Variants in AHNAK observed in about 807,000 individuals in gnomAD.
AHNAK encodes AHNAK nucleoprotein.
Under a neutral mutation model 37.8 loss-of-function variants are expected in AHNAK, and 23 were observed. That is an observed-to-expected ratio of 0.61 (90% CI 0.44 to 0.86). The LOEUF (loss-of-function observed/expected upper bound fraction) is 0.86, where lower values mean the gene tolerates loss of function less well. Ranked by LOEUF, AHNAK falls within the 40% of genes least tolerant of loss-of-function variation. AHNAK has a pLI of 0.00. For synonymous variants in AHNAK, 2,481 were observed against 2,636.3 expected (o/e 0.94, Z 1.80); for missense variants, 7,411 against 7,319.4 (o/e 1.01, Z -0.46).
At position 62,528,122 on chromosome 11, in the gene AHNAK, T is replaced by C. The variant is rs1041193741; in HGVS notation, c.6295A>G (p.Lys2099Glu). ...PDVSLEGPEG[K>E]LKGPKLKMPE... ...ATCTTAAGCTTGGGGCCCTTCAGCTTCCCTTCTGGACCTTCAAGGCTCACA... is the reference window on the plus strand; with the variant it reads ...ATCTTAAGCTTGGGGCCCTTCAGCTCCCCTTCTGGACCTTCAAGGCTCACA... The change falls in exon 5 of 5, where the codon AAG (lysine) becomes GAG (glutamate). Residue 2099 changes from lysine to glutamate, a missense_variant. Transcript: ENST00000378024. 3 of 1,612,268 alleles carry C rather than the reference T, an allele frequency of 1.9e-6. No individual in the cohort carries two copies. The highest frequency in any genetic ancestry group is 2.5e-6 in the Non-Finnish European group (3 of 1,179,560).
downstream of AHNAK, among the ~76,000 whole-genome samples, chr11:62,513,719 C>T (rs563059851): frequency 3.4e-4 from 51 of 152,238 alleles, no homozygotes; most frequent in African/African-American, 1.2e-3. Context: ...CGGGAAGCAG[C>T]GTTCATGTTC....
chr11:62,476,392 C>CA (rs1000213539), intron 5 of AHNAK, among the ~76,000 whole-genome samples: 10 of 151,804 alleles, frequency 6.6e-5, no homozygotes, highest in African/African-American at 9.7e-5. Flanking sequence ...GACTCCGTCT[C>CA]AAAAAAAAGT....
At position 62,521,251 on chromosome 11, in the gene AHNAK, T is replaced by C. The variant is rs1234814083; in HGVS notation, c.13166A>G (p.Asp4389Gly). Residue 4389 changes from aspartate to glycine, a missense_variant, in exon 5 of 5, where the codon GAC (aspartate) becomes GGC (glycine). By Grantham distance (94) the Asp-to-Gly change is moderately conservative. Coordinates refer to ENST00000378024, the MANE Select transcript of AHNAK (RefSeq NM_001620.3). ...NIKAPKISMP[D>G]IDFNLKGPKV... ...GGGACCCTTCAAGTTAAAGTCAATG[T>C]CAGGCATGGAGATTTTGGGGGCCTT... The C allele has an allele frequency of 1.2e-6, 2 of 1,614,006 alleles. No individual in the cohort carries two copies. Among genetic ancestry groups the C allele is most frequent in the African/African-American group, 2.7e-5 (2 of 74,956 alleles).
chr11:62,519,725 T>C lies in AHNAK; in HGVS notation c.14692A>G (p.Lys4898Glu), dbSNP rs1940160494. 2 of 1,613,862 alleles carry C rather than the reference T, an allele frequency of 1.2e-6. No homozygotes were observed. Among genetic ancestry groups the C allele is most frequent in the Non-Finnish European group, 1.7e-6 (2 of 1,179,956 alleles). Residue 4898 changes from lysine to glutamate, a missense_variant, in exon 5 of 5, where the codon AAA becomes GAA. By Grantham distance (56) the Lys-to-Glu change is moderately conservative. Transcript: ENST00000378024. Reference protein sequence around the residue: ...PRLDFEGPDAKLSGPSLKMPS... With the variant: ...PRLDFEGPDAELSGPSLKMPS... Reference sequence around the variant, plus strand: ...ATCTTCAAAGATGGGCCACTGAGTTTGGCATCAGGGCCTTCGAAATCCAGA... The same window carrying C: ...ATCTTCAAAGATGGGCCACTGAGTTCGGCATCAGGGCCTTCGAAATCCAGA...
chr11:62,497,246 C>T (rs1939627392), intron 4 of AHNAK, among the ~76,000 whole-genome samples: 1 of 152,196 alleles, frequency 6.6e-6, no homozygotes, highest in African/African-American at 2.4e-5. Flanking sequence ...ACCATGCAGC[C>T]TGGGACTGAA....
intron 4 of AHNAK, among the ~76,000 whole-genome samples, chr11:62,493,702 C>T (rs981224058): frequency 1.4e-4 from 21 of 152,002 alleles, no homozygotes; most frequent in Non-Finnish European, 2.2e-4. Flanking sequence ...AACTCCTGGG[C>T]TCAAGTGATC....
chr11:62,529,060 A>G lies in AHNAK; in HGVS notation c.5357T>C (p.Val1786Ala). The G allele has an allele frequency of 6.2e-7, 1 of 1,614,210 alleles. No homozygotes were observed. Among genetic ancestry groups the G allele is most frequent in the African/African-American group, 1.3e-5 (1 of 75,060 alleles). ...TTTGGGTCCCTTCAAATTCAAGTCC[A>G]CATCTGGCATGGAGACCTTGGGAGC... ...IKAPKVSMPD[V>A]DLNLKGPKLK... Residue 1786 changes from valine to alanine, a missense_variant, in exon 5 of 5, where the codon GTG (valine) becomes GCG (alanine). Transcript: ENST00000378024.
chr11:62,439,622 G>A (rs1347266490), intron 5 of AHNAK, among the ~76,000 whole-genome samples: 1 of 148,582 alleles, frequency 6.7e-6, no homozygotes, highest in Admixed American at 6.7e-5. Flanking sequence ...TAGTGCATGT[G>A]TGCATCTGTC....
chr11:62,527,317 C>T lies in AHNAK; in HGVS notation c.7100G>A (p.Gly2367Asp). The change falls in exon 5 of 5, where the codon GGC (glycine) becomes GAC (aspartate). Residue 2367 changes from glycine (G) to aspartate (D), a missense_variant. Transcript: ENST00000378024. Reference sequence around the variant, plus strand: ...CTTGAACTTAGGAGTTTTCCACTTGCCATTTGGGCCTTCCACAGCTACTTC... The same window carrying T: ...CTTGAACTTAGGAGTTTTCCACTTGTCATTTGGGCCTTCCACAGCTACTTC... ...MPEVAVEGPN[G>D]KWKTPKFKMP... The T allele has an allele frequency of 6.2e-7, 1 of 1,613,660 alleles. No individual in the cohort carries two copies. The highest frequency in any genetic ancestry group is 1.1e-5 in the South Asian group (1 of 91,018).
Position 62,516,614 on chromosome 11 carries a change from G to C in AHNAK, c.*130C>G. Reference sequence around the variant, plus strand: ...GTCGGTTTTTCAGCGCTTGCCACCGGGCCAGGCAAGGTCTTTGCATGATTG... The same window carrying C: ...GTCGGTTTTTCAGCGCTTGCCACCGCGCCAGGCAAGGTCTTTGCATGATTG... On this transcript the variant is annotated 3_prime_UTR_variant, in exon 5 of 5. Coordinates refer to ENST00000378024, the MANE Select transcript of AHNAK (RefSeq NM_001620.3). 6.7e-7 allele frequency: 1 copy of C among 1,486,712 alleles called. No homozygotes were observed. Among genetic ancestry groups the C allele is most frequent in the Non-Finnish European group, 8.9e-7 (1 of 1,129,010 alleles). The allele number at this position is 1,486,712 out of a possible 1,614,324, so 92.1% of individuals were successfully genotyped here.
In AHNAK at chr11:62,530,143, A is replaced by T; in HGVS notation, c.4274T>A (p.Val1425Glu). Residue 1425 changes from valine (V) to glutamate (E), a missense_variant, in exon 5 of 5, where the codon GTG becomes GAG. Coordinates refer to ENST00000378024, the MANE Select transcript of AHNAK (RefSeq NM_001620.3). ...GPKMDAEVPD[V>E]NIEGPDAKLK... is the part of the protein sequence containing the mutation. ...TTTTGCGTCTGGACCTTCAATATTC[A>T]CATCTGGAACTTCAGCATCCATTTT... is the stretch of plus-strand genomic sequence containing the variant. 1 of 1,613,994 alleles carries T rather than the reference A, an allele frequency of 6.2e-7. No individual in the cohort carries two copies. Among genetic ancestry groups the T allele is most frequent in the South Asian group, 1.1e-5 (1 of 91,072 alleles).
intron 4 of AHNAK, among the ~76,000 whole-genome samples, chr11:62,507,940 G>A (rs941950097): frequency 2.8e-4 from 43 of 152,104 alleles, no homozygotes; most frequent in African/African-American, 9.9e-4. Context: ...CATAATAATG[G>A]GGGTTTTTTA....
chr11:62,525,787 T>C lies in AHNAK; in HGVS notation c.8630A>G (p.Asp2877Gly). The part of the protein sequence containing the change: ...PEVDLKGPKV[D>G]IDVPDVNVQG... ...AACATTAACATCTGGGACATCAATG[T>C]CCACTTTGGGGCCTTTGAGGTCAAC... is the stretch of plus-strand genomic sequence containing the variant. Residue 2877 changes from aspartate to glycine, a missense_variant, in exon 5 of 5, where the codon GAC becomes GGC. Physicochemically the swap from Asp to Gly is moderately conservative, Grantham distance 94 (BLOSUM62 -1). Coordinates refer to ENST00000378024, the MANE Select transcript of AHNAK (RefSeq NM_001620.3). 1 of 1,613,732 alleles carries C rather than the reference T, an allele frequency of 6.2e-7. No homozygotes were observed. Among genetic ancestry groups the C allele is most frequent in the East Asian group, 2.2e-5 (1 of 44,834 alleles).
rs780207477 is a variant in AHNAK, at chr11:62,522,124, A to G, written c.12293T>C (p.Ile4098Thr). 3.7e-6 allele frequency: 6 copies of G among 1,613,680 alleles called. No individual in the cohort carries two copies. Among genetic ancestry groups the G allele is most frequent in the Non-Finnish European group, 4.2e-6 (5 of 1,179,924 alleles). Residue 4098 changes from isoleucine (I) to threonine (T), a missense_variant, in exon 5 of 5, where the codon ATT (isoleucine) becomes ACT (threonine). Transcript: ENST00000378024. ...DIDVSGPKVD[I>T]DTPDIDIHGP... Reference sequence around the variant, plus strand: ...ATGAATATCAATATCAGGAGTGTCAATGTCCACTTTGGGTCCTGAGACATC... The same window carrying G: ...ATGAATATCAATATCAGGAGTGTCAGTGTCCACTTTGGGTCCTGAGACATC...
rs138755920 is a variant in AHNAK at position 62,525,488 on chromosome 11, C to T, written c.8929G>A (p.Val2977Met). 50 of 1,613,484 alleles carry T rather than the reference C, an allele frequency of 3.1e-5. No individual in the cohort carries two copies. In the African/African-American group the frequency reaches 5.1e-4, roughly 16 times the overall value. Residue 2977 changes from valine (V) to methionine (M), a missense_variant, in exon 5 of 5, where the codon GTG (valine) becomes ATG (methionine). Val to Met is a conservative substitution (Grantham distance 21). Coordinates refer to ENST00000378024, the MANE Select transcript of AHNAK (RefSeq NM_001620.3). ...DFDLHLKGPK[V>M]KGDVDISLPK... ...AGAGAAATATCCACATCGCCCTTCACCTTGGGACCTTTCAGATGCAAATCA... is the reference window on the plus strand; with the variant it reads ...AGAGAAATATCCACATCGCCCTTCATCTTGGGACCTTTCAGATGCAAATCA...
chr11:62,437,763 C>A (rs1429643391), intron 5 of AHNAK, among the ~76,000 whole-genome samples: 4 of 152,180 alleles, frequency 2.6e-5, no homozygotes, highest in African/African-American at 9.7e-5. Flanking sequence ...GTGGCTGTAC[C>A]TCTTCCACAC....
In AHNAK at chr11:62,496,040, T is replaced by A. The variant is rs1939602892; in HGVS notation, c.343-4209A>T. ...CTCCAGCATGGGTGACAGAGCCAGATCCTGTCTCAAAAAAAAAAAAAGAAG... is the reference window on the plus strand; with the variant it reads ...CTCCAGCATGGGTGACAGAGCCAGAACCTGTCTCAAAAAAAAAAAAAGAAG... On this transcript the variant is annotated intron_variant, in intron 4 of 5. Transcript: ENST00000257247. Among the ~76,000 whole-genome samples, 6 of 147,520 alleles carry A rather than the reference T, an allele frequency of 4.1e-5. 1 individual carries two copies. Among genetic ancestry groups the A allele is most frequent in the African/African-American group, 1.5e-4 (6 of 39,522 alleles).
Position 62,531,382 on chromosome 11 carries a change from T to C in AHNAK, c.3035A>G (p.Lys1012Arg). ...CACATCAAATTCTGGCCCCTCTCCT[T>C]TGAGGCTGGGCATGCTAAATTTGGG... Reference protein sequence around the residue: ...KMPKFSMPSLKGEGPEFDVNL... With the variant: ...KMPKFSMPSLRGEGPEFDVNL... The change falls in exon 5 of 5, where the codon AAA (lysine) becomes AGA (arginine). Residue 1012 changes from lysine (K) to arginine (R), a missense_variant. Lys to Arg is a conservative substitution (Grantham distance 26). Transcript: ENST00000378024. The C allele has an allele frequency of 6.2e-7, 1 of 1,614,156 alleles. No homozygotes were observed. The highest frequency in any genetic ancestry group is 1.3e-5 in the African/African-American group (1 of 75,026).
At chr11:62,452,197 G>A (rs1273724358) in intron 5 of AHNAK, among the ~76,000 whole-genome samples, 1 of 152,144 alleles carries the variant, frequency 6.6e-6, no homozygotes, top group Admixed American at 6.6e-5. Flanking sequence ...CATTTGTTAA[G>A]TACTTCCTTT....
Sources: gnomAD v4.1 joint callset for allele counts (sites outside exome capture counted in the v4.1 genomes callset) on GRCh38, gnomAD v4.1.1 for gene constraint, MANE v1.5 for transcripts, NCBI Gene and HGNC (gene_info 2026-07-23, HGNC 2026-07-21) for gene names.